LRRIQ3: variants seen among roughly 807,000 people sequenced by gnomAD.
LRRIQ3 encodes leucine rich repeats and IQ motif containing 3, also known as leucine-rich repeat and IQ domain-containing protein 3.
LRRIQ3 carries 75 observed loss-of-function variants against 59.3 expected under a neutral mutation model. The observed-to-expected ratio is 1.26, with a 90% CI of 1.05 to 1.53. The LOEUF (loss-of-function observed/expected upper bound fraction) is 1.53, where lower values mean the gene tolerates loss of function less well. Among genes scored for constraint, LRRIQ3 ranks in the 40% most tolerant of loss-of-function variants. LRRIQ3 has a pLI of 0.00. For synonymous variants in LRRIQ3, 250 were observed against 231.3 expected (o/e 1.08, Z -0.73); for missense variants, 831 against 710.0 (o/e 1.17, Z -1.94).
intron 7 of LRRIQ3, among the ~76,000 whole-genome samples, chr1:74,037,480 A>G (rs1653905888): frequency 6.6e-6 from 1 of 152,152 alleles, no homozygotes; most frequent in Admixed American, 6.5e-5. Flanking sequence ...TCTACTAAAA[A>G]TACAAAAAAC....
intron 3 of LRRIQ3, among the ~76,000 whole-genome samples, chr1:74,160,400 T>G (rs1648591551): frequency 6.6e-6 from 1 of 152,080 alleles, no homozygotes; most frequent in African/African-American, 2.4e-5. Flanking sequence ...ACTTCTGCAT[T>G]TTTTCCTGTG....
At chr1:74,104,229 G>A (rs544807262) in intron 5 of LRRIQ3, among the ~76,000 whole-genome samples, 5 of 152,048 alleles carry the variant, frequency 3.3e-5, no homozygotes, top group East Asian at 3.9e-4. Flanking sequence ...AAGCTGATGA[G>A]GTCTTGTGTA....
intron 4 of LRRIQ3, among the ~76,000 whole-genome samples, chr1:74,110,768 A>C (rs941167098): frequency 1.3e-5 from 2 of 152,098 alleles, no homozygotes; most frequent in African/African-American, 4.8e-5. Context: ...AATGACATAC[A>C]AATTAGTTAA....
chr1:74,109,650 T>A (rs1162408111), intron 4 of LRRIQ3, 97 bp from the exon 5 acceptor site: 1 of 965,396 alleles, frequency 1.0e-6, no homozygotes, highest in Non-Finnish European at 1.5e-6. Context: ...GAAAACATAG[T>A]GTTAAATTGA....
chr1:74,037,976 C>T (rs539870110), intron 7 of LRRIQ3, among the ~76,000 whole-genome samples: 35 of 152,318 alleles, frequency 2.3e-4, no homozygotes, highest in Admixed American at 6.5e-4. Flanking sequence ...CCACAGCTGC[C>T]GCTGCCTAAT....
rs775541723 is a variant in LRRIQ3, at chr1:74,183,544, C to T, written c.141G>A (p.Gln47=). Residue 47 remains glutamine, a synonymous_variant, in exon 2 of 8, where the codon CAG becomes CAA. Transcript: ENST00000354431. ...TGCATACTCTAAGAGAGATGCAAGACTGCAAATTTTCCATAGACTTTAAAT... is the reference window on the plus strand; with the variant it reads ...TGCATACTCTAAGAGAGATGCAAGATTGCAAATTTTCCATAGACTTTAAAT... ...GLHLKSMENL[Q]SCISLRVCIF... 1.9e-6 allele frequency: 3 copies of T among 1,612,130 alleles called. No individual in the cohort carries two copies. Among genetic ancestry groups the T allele is most frequent in the Admixed American group, 3.3e-5 (2 of 59,874 alleles).
At chr1:74,121,040 T>C (rs1646847404) in intron 4 of LRRIQ3, among the ~76,000 whole-genome samples, 1 of 152,156 alleles carries the variant, frequency 6.6e-6, no homozygotes, top group Non-Finnish European at 1.5e-5. Context: ...TGTACCAACC[T>C]TATAAAATGA....
chr1:74,057,295 T>C (rs1169163484), intron 6 of LRRIQ3, among the ~76,000 whole-genome samples: 2 of 152,048 alleles, frequency 1.3e-5, no homozygotes, highest in East Asian at 3.9e-4. Context: ...CTATAGCTTT[T>C]TAGTATATTT....
intron 6 of LRRIQ3, among the ~76,000 whole-genome samples, chr1:74,053,565 C>A (rs970357072): frequency 6.6e-6 from 1 of 152,052 alleles, no homozygotes; most frequent in Admixed American, 6.6e-5. Flanking sequence ...CACTGACTCA[C>A]CCCTGTAATC....
chr1:74,058,073 C>A (rs959172719), intron 6 of LRRIQ3, among the ~76,000 whole-genome samples: 5 of 151,450 alleles, frequency 3.3e-5, no homozygotes, highest in African/African-American at 1.2e-4. Flanking sequence ...AAACAAAAAA[C>A]AAATACTAGT....
chr1:74,044,814 T>A (rs1230462239), intron 6 of LRRIQ3, among the ~76,000 whole-genome samples: 2 of 152,008 alleles, frequency 1.3e-5, no homozygotes, highest in South Asian at 4.2e-4. Flanking sequence ...CAAACTACCA[T>A]CAGAGAATAC....
At chr1:74,181,700 C>T (rs370181652) in intron 3 of LRRIQ3, 1 of 151,706 alleles carries the variant, frequency 6.6e-6, no homozygotes, top group South Asian at 2.1e-4. Flanking sequence ...ATTTTTAAAA[C>T]TATTACAAAA....
intron 4 of LRRIQ3, among the ~76,000 whole-genome samples, chr1:74,137,160 C>T (rs999335513): frequency 6.6e-6 from 1 of 151,702 alleles, no homozygotes; most frequent in African/African-American, 2.4e-5. Context: ...AAAGCATCTC[C>T]TCTTTAAATT....
chr1:74,151,437 G>A (rs1341345250), intron 4 of LRRIQ3, among the ~76,000 whole-genome samples: 1 of 152,010 alleles, frequency 6.6e-6, no homozygotes, highest in Non-Finnish European at 1.5e-5. Context: ...ATGTGACAAG[G>A]TATCCTCGGG....
At chr1:74,183,326 T>C in intron 2 of LRRIQ3, 110 bp downstream of exon 2, 2 of 986,012 alleles carry the variant, frequency 2.0e-6, no homozygotes, top group Non-Finnish European at 2.9e-6. Context: ...TTTGTTTATA[T>C]TTTAGACAAA....
At chr1:74,063,145 C>A (rs28861474) in intron 6 of LRRIQ3, among the ~76,000 whole-genome samples, 47,190 of 149,522 alleles carry the variant, frequency 0.32, 8,891 homozygotes, top group East Asian at 0.71. Context: ...ACAACAACAA[C>A]AACAACAAAA....
At chr1:74,151,606 G>T (rs1647972830) in intron 4 of LRRIQ3, among the ~76,000 whole-genome samples, 1 of 151,848 alleles carries the variant, frequency 6.6e-6, no homozygotes, top group South Asian at 2.1e-4. Flanking sequence ...TGGGGGGGAT[G>T]GGCATTAGTG....
At chr1:74,191,871 C>A (rs1650787743) in intron 1 of LRRIQ3, among the ~76,000 whole-genome samples, 1 of 151,948 alleles carries the variant, frequency 6.6e-6, no homozygotes, top group Non-Finnish European at 1.5e-5. Flanking sequence ...ATTTCTAGAA[C>A]TTGAAAAAGA....
chr1:74,131,494 G>A (rs532368640), intron 4 of LRRIQ3, among the ~76,000 whole-genome samples: 15 of 152,196 alleles, frequency 9.9e-5, no homozygotes, highest in African/African-American at 1.9e-4. Context: ...CTGGCAAACC[G>A]AATCCAGCAG....
Sources: gnomAD v4.1 joint callset for allele counts (sites outside exome capture counted in the v4.1 genomes callset) on GRCh38, gnomAD v4.1.1 for gene constraint, MANE v1.5 for transcripts, NCBI Gene and HGNC (gene_info 2026-07-23, HGNC 2026-07-21) for gene names.